Variants in TCF7 observed in about 807,000 individuals in gnomAD.
TCF7 encodes the protein transcription factor 7.
A neutral mutation model predicts 46.8 loss-of-function variants in TCF7; 19 were observed. The observed-to-expected ratio is 0.41, with a 90% CI of 0.28 to 0.60. The LOEUF is 0.60. Ranked by LOEUF, TCF7 falls within the 20% of genes least tolerant of loss-of-function variation. TCF7 has a pLI of 0.35. For synonymous variants in TCF7, 245 were observed against 213.4 expected (o/e 1.15, Z -1.29); for missense variants, 547 against 504.6 (o/e 1.08, Z -0.81).
upstream of TCF7, among the ~76,000 whole-genome samples, chr5:134,112,263 T>C (rs1431184016): frequency 2.0e-5 from 3 of 152,238 alleles, no homozygotes; most frequent in Non-Finnish European, 4.4e-5. Flanking sequence ...ATTACCTGTA[T>C]AGACTACTCT....
upstream of TCF7, among the ~76,000 whole-genome samples, chr5:134,109,770 C>CA (rs59510685): frequency 3.5e-4 from 49 of 140,298 alleles, no homozygotes; most frequent in Middle Eastern, 0.011. Context: ...GGCTCCATCT[C>CA]AAAAAAAAAA....
chr5:134,118,508 G>T (rs1353321152), intron 3 of TCF7, among the ~76,000 whole-genome samples: 2 of 152,198 alleles, frequency 1.3e-5, no homozygotes. Context: ...TGTGGCTACT[G>T]TGTTAGAGAC....
At chr5:134,108,473 T>C in the TCF7 span, among the ~76,000 whole-genome samples, 1 of 152,046 alleles carries the variant, frequency 6.6e-6, no homozygotes, top group African/African-American at 2.4e-5. Flanking sequence ...CCTCTTCAAA[T>C]TTACCCTGCC....
chr5:134,144,739 G>A, intron 9 of TCF7: 2 of 1,338,496 alleles, frequency 1.5e-6, no homozygotes, highest in Non-Finnish European at 2.2e-6. Context: ...GCCCTGCTCT[G>A]CCCCGCTGCC....
At chr5:134,145,067 CAGG>C in intron 9 of TCF7, 1 of 642,086 alleles carries the variant, frequency 1.6e-6, no homozygotes, top group Non-Finnish European at 2.8e-6. Flanking sequence ...GGTCTAAGTG[CAGG>C]AGGATTGGAG....
chr5:134,132,369 C>T (rs1758243943), intron 3 of TCF7, among the ~76,000 whole-genome samples: 1 of 152,192 alleles, frequency 6.6e-6, no homozygotes, highest in African/African-American at 2.4e-5. Context: ...AATAGGAGCT[C>T]ATAAATACAC....
In TCF7 at chr5:134,114,747, A is replaced by T; in HGVS notation, c.-160A>T. 1 of 696,368 alleles carries T rather than the reference A, an allele frequency of 1.4e-6. No individual in the cohort carries two copies. Among genetic ancestry groups the T allele is most frequent in the Non-Finnish European group, 1.8e-6 (1 of 570,166 alleles). The allele number at this position is 696,368 out of a possible 1,614,324, so 43.1% of individuals were successfully genotyped here. A position where few individuals can be genotyped will look rare whatever the true frequency, so the allele number is the denominator to read the frequency against. On this transcript the variant is annotated 5_prime_UTR_variant, in exon 1 of 10. Transcript: ENST00000342854. ...GCGGAGCCGCTCTGCCCCGCGCCCT[A>T]GCCCGCGCCTGCAGCCCGCCCAGGC...
At chr5:134,140,991 T>C (rs1759664705) in intron 5 of TCF7, 2 of 322,674 alleles carry the variant, frequency 6.2e-6, no homozygotes, top group Non-Finnish European at 1.2e-5. Flanking sequence ...TGTTAGTCGT[T>C]TGTCCATCTG....
At chr5:134,111,158 G>A (rs138782555), upstream of TCF7, among the ~76,000 whole-genome samples, 236 of 152,236 alleles carry the variant, frequency 1.6e-3, 2 homozygotes, top group Middle Eastern at 0.024. Context: ...AATCTGCCTG[G>A]GGTCCCACAG....
chr5:134,109,366 C>T, the TCF7 span, among the ~76,000 whole-genome samples: 343 of 152,280 alleles, frequency 2.3e-3, no homozygotes, highest in African/African-American at 7.9e-3. Flanking sequence ...CAGGTGACCC[C>T]CACATGAACA....
At chr5:134,114,551 C>T (rs1267998496), upstream of TCF7, among the ~76,000 whole-genome samples, 4 of 151,994 alleles carry the variant, frequency 2.6e-5, no homozygotes, top group Admixed American at 1.3e-4. Context: ...AGGGTGCGCT[C>T]CGGAAGAGCG....
rs1755589641 is a variant in TCF7 at position 134,114,928 on chromosome 5, G to A, written c.22G>A (p.Gly8Arg). 9.3e-7 allele frequency: 1 copy of A among 1,077,548 alleles called. No individual in the cohort carries two copies. The highest frequency in any genetic ancestry group is 1.1e-6 in the Non-Finnish European group (1 of 881,046). The allele number at this position is 1,077,548 out of a possible 1,614,324, so 66.7% of individuals were successfully genotyped here. Reference protein sequence around the residue: MPQLDSGGGGAGGGDDLG... With the variant: MPQLDSGRGGAGGGDDLG... ...CACCATGCCGCAGCTGGACTCCGGC[G>A]GGGGCGGCGCGGGCGGCGGCGACGA... Residue 8 changes from glycine to arginine, a missense_variant, in exon 1 of 10, where the codon GGG (glycine) becomes AGG (arginine). Gly to Arg is a moderately radical substitution (Grantham distance 125). Transcript: ENST00000342854.
chr5:134,115,648 C>T, intron 2 of TCF7: 1 of 1,431,828 alleles, frequency 7.0e-7, no homozygotes, highest in Non-Finnish European at 9.1e-7. Context: ...ACTAATCCGC[C>T]GCCTTCAGGA....
intron 3 of TCF7, among the ~76,000 whole-genome samples, chr5:134,132,759 G>A (rs1376068194): frequency 1.3e-5 from 2 of 151,534 alleles, no homozygotes; most frequent in South Asian, 2.1e-4. Context: ...TGGGGGGGTG[G>A]TGAAGGGGGA....
At chr5:134,125,223 C>T (rs1033567522) in intron 3 of TCF7, among the ~76,000 whole-genome samples, 1 of 152,236 alleles carries the variant, frequency 6.6e-6, no homozygotes, top group Non-Finnish European at 1.5e-5. Flanking sequence ...CTGGTGGCAG[C>T]GGGCCCAGCC....
chr5:134,140,382 T>G (rs1580883420), intron 5 of TCF7, among the ~76,000 whole-genome samples: 1 of 152,174 alleles, frequency 6.6e-6, no homozygotes, highest in East Asian at 1.9e-4. Context: ...TCATCCAGCT[T>G]GGAATCTCAG....
At chr5:134,124,097 T>C (rs1039913351) in intron 3 of TCF7, among the ~76,000 whole-genome samples, 1 of 152,052 alleles carries the variant, frequency 6.6e-6, no homozygotes, top group Non-Finnish European at 1.5e-5. Flanking sequence ...CCAAGGCCCA[T>C]TGGTGACTCA....
chr5:134,139,189 C>A (rs950221677), intron 5 of TCF7, 151 bp downstream of exon 5: 2 of 1,273,416 alleles, frequency 1.6e-6, no homozygotes, highest in Non-Finnish European at 2.1e-6. Flanking sequence ...TCTGTCCTAA[C>A]CTGGCTCTGA....
intron 3 of TCF7, among the ~76,000 whole-genome samples, chr5:134,127,768 C>T (rs1757533634): frequency 6.6e-6 from 1 of 152,236 alleles, no homozygotes; most frequent in Non-Finnish European, 1.5e-5. Flanking sequence ...GCCAGGAGCT[C>T]AGTGATCTGG....
Sources: gnomAD v4.1 joint callset for allele counts (sites outside exome capture counted in the v4.1 genomes callset) on GRCh38, gnomAD v4.1.1 for gene constraint, MANE v1.5 for transcripts, NCBI Gene and HGNC (gene_info 2026-07-23, HGNC 2026-07-21) for gene names.